Variants in AGAP1 observed in about 807,000 individuals in gnomAD.
AGAP1 encodes the protein arf-GAP with GTPase, ANK repeat and PH domain-containing protein 1.
A neutral mutation model predicts 105.3 loss-of-function variants in AGAP1; 29 were observed. The ratio of observed to expected loss-of-function variants is 0.28; its 90% confidence interval spans 0.21 to 0.38. The LOEUF (loss-of-function observed/expected upper bound fraction) is 0.38, where lower values mean the gene tolerates loss of function less well. Ranked by LOEUF, AGAP1 falls within the 10% of genes least tolerant of loss-of-function variation. AGAP1 has a pLI of 1.00. For missense variants in AGAP1, 998 were observed against 1,165.1 expected (o/e 0.86, Z 2.09); for synonymous variants, 509 against 485.9 (o/e 1.05, Z -0.63).
At chr2:235,778,766 G>A (rs1222291263) in intron 6 of AGAP1, among the ~76,000 whole-genome samples, 1 of 152,192 alleles carries the variant, frequency 6.6e-6, no homozygotes. Flanking sequence ...GCCTCTGATG[G>A]CTGTGTTCTT....
chr2:235,693,141 G>T (rs1179424819), intron 1 of AGAP1, among the ~76,000 whole-genome samples: 1 of 152,204 alleles, frequency 6.6e-6, no homozygotes, highest in Non-Finnish European at 1.5e-5. Context: ...AGCATGTGCA[G>T]AATGTTTCCT....
chr2:235,696,813 G>A (rs1025806943), intron 1 of AGAP1, among the ~76,000 whole-genome samples: 5 of 151,836 alleles, frequency 3.3e-5, no homozygotes, highest in African/African-American at 4.8e-5. Flanking sequence ...GTGAAACCCC[G>A]TCTCTACTAA....
intron 1 of AGAP1, among the ~76,000 whole-genome samples, chr2:235,638,461 C>G (rs1019561394): frequency 6.6e-6 from 1 of 152,126 alleles, no homozygotes; most frequent in African/African-American, 2.4e-5. Context: ...TGAATAGAGA[C>G]TAGTTAAAAT....
Position 235,970,472 on chromosome 2 carries a change from G to A in AGAP1, c.1645+1849G>A, listed in dbSNP as rs1575928143. Among the ~76,000 whole-genome samples the A allele has an allele frequency of 6.6e-6, 1 of 152,142 alleles. No homozygotes were observed. The highest frequency in any genetic ancestry group is 2.1e-4 in the South Asian group (1 of 4,828). Reference sequence around the variant, plus strand: ...AGAAGGTTAGCCTCCCCCAGGGTGGGCAGCCTGTACCCTCCACGCCCCTAA... The same window carrying A: ...AGAAGGTTAGCCTCCCCCAGGGTGGACAGCCTGTACCCTCCACGCCCCTAA... On this transcript the variant is annotated intron_variant, in intron 13 of 17. Transcript: ENST00000304032. This position sits in a 1 kb window ranked among gnomAD's most constrained non-coding sequence, Gnocchi z 5.4.
chr2:235,970,762 CA>C lies in AGAP1; in HGVS notation c.1645+2140del, dbSNP rs1284079056. Among the ~76,000 whole-genome samples, 1 of 152,186 alleles carries C rather than the reference CA, an allele frequency of 6.6e-6. No individual in the cohort carries two copies. Among genetic ancestry groups the C allele is most frequent in the African/African-American group, 2.4e-5 (1 of 41,448 alleles). On this transcript the variant is annotated intron_variant, in intron 13 of 17. Coordinates refer to ENST00000304032, the MANE Select transcript of AGAP1 (RefSeq NM_001037131.3). The surrounding 1 kb of genome is among the most constrained non-coding windows in gnomAD (Gnocchi z 5.4). The stretch of plus-strand genomic sequence containing the variant: ...GAGCAGCTGGCACCACCCAGTGTTC[CA>C]TTCAGCACCGGTGAGTTTGAAGGAA...
chr2:236,090,597 C>T lies in AGAP1; in HGVS notation c.2115-29595C>T, dbSNP rs986700446. ...CTCCTGCAGCGTGTTTCCAGTTGTTCGGATTTTTGTGTTATTTTCATCACT... is the reference window on the plus strand; with the variant it reads ...CTCCTGCAGCGTGTTTCCAGTTGTTTGGATTTTTGTGTTATTTTCATCACT... On this transcript the variant is annotated intron_variant, in intron 16 of 17. Transcript: ENST00000304032. This position sits in a 1 kb window ranked among gnomAD's most constrained non-coding sequence, Gnocchi z 4.3. 1.5e-4 allele frequency among the ~76,000 whole-genome samples: 23 copies of T among 152,156 alleles called. No homozygotes were observed. Among genetic ancestry groups the T allele is most frequent in the African/African-American group, 4.3e-4 (18 of 41,518 alleles).
intron 11 of AGAP1, among the ~76,000 whole-genome samples, chr2:235,922,103 G>A (rs547255357): frequency 1.4e-4 from 22 of 152,298 alleles, no homozygotes; most frequent in African/African-American, 4.8e-4. Context: ...TGCGCACAAC[G>A]GGCGTGGTGC....
intron 5 of AGAP1, among the ~76,000 whole-genome samples, 193 bp downstream of exon 5, chr2:235,745,032 A>G (rs995911162): frequency 1.3e-5 from 2 of 152,090 alleles, no homozygotes; most frequent in Non-Finnish European, 2.9e-5. Context: ...TCATTTAACA[A>G]CCTGAAAACA....
Position 235,655,318 on chromosome 2 carries a change from A to G in AGAP1, c.164-53861A>G, listed in dbSNP as rs1202349902. Among the ~76,000 whole-genome samples, 4 of 152,138 alleles carry G rather than the reference A, an allele frequency of 2.6e-5. No homozygotes were observed. The highest frequency in any genetic ancestry group is 2.0e-4 in the Admixed American group (3 of 15,266). On this transcript the variant is annotated intron_variant, in intron 1 of 17. Transcript: ENST00000304032. The surrounding 1 kb of genome is among the most constrained non-coding windows in gnomAD (Gnocchi z 4.3). ...GGTATATGCATTCCTTGTGGTGTGTATTAATAAATTGAGTAGGTGAAAAAG... is the reference window on the plus strand; with the variant it reads ...GGTATATGCATTCCTTGTGGTGTGTGTTAATAAATTGAGTAGGTGAAAAAG...
At position 236,120,145 on chromosome 2, in the gene AGAP1, G is replaced by T; in HGVS notation, c.2115-47G>T. ...CACTGGGCAGGGGCTGGCAGCCTGT[G>T]TTCTCGGGCCTGATCGTGACTGCAC... On this transcript the variant is annotated intron_variant, in intron 16 of 17. Transcript: ENST00000304032. The surrounding 1 kb of genome is among the most constrained non-coding windows in gnomAD (Gnocchi z 6.0). 1 of 1,569,712 alleles carries T rather than the reference G, an allele frequency of 6.4e-7. No homozygotes were observed. Among genetic ancestry groups the T allele is most frequent in the Non-Finnish European group, 8.7e-7 (1 of 1,155,804 alleles).
intron 4 of AGAP1, among the ~76,000 whole-genome samples, chr2:235,743,970 T>C (rs1390290508): frequency 6.6e-6 from 1 of 152,220 alleles, no homozygotes. Flanking sequence ...AGTATATGCC[T>C]GACAGTGTGG....
chr2:235,498,260 A>T (rs373534658), intron 1 of AGAP1, among the ~76,000 whole-genome samples: 8 of 152,230 alleles, frequency 5.3e-5, no homozygotes, highest in African/African-American at 1.9e-4. Flanking sequence ...AGAAGAGAAC[A>T]GTTTTTTTCC....
chr2:235,594,300 T>TC (rs1438203446), intron 1 of AGAP1, among the ~76,000 whole-genome samples: 2 of 151,940 alleles, frequency 1.3e-5, no homozygotes, highest in African/African-American at 4.8e-5. Context: ...TTTTTTTTTT[T>TC]TCATATTTAA....
chr2:235,590,224 G>A (rs555148882), intron 1 of AGAP1, among the ~76,000 whole-genome samples: 2 of 152,188 alleles, frequency 1.3e-5, no homozygotes, highest in East Asian at 1.9e-4. Flanking sequence ...GTTTTTACTC[G>A]GTGTTAACGT....
rs551046943 is a variant in AGAP1 at position 235,657,370 on chromosome 2, A to ATGT, written c.164-51795_164-51793dup. Among the ~76,000 whole-genome samples, 6 of 152,062 alleles carry ATGT rather than the reference A, an allele frequency of 3.9e-5. No individual in the cohort carries two copies. In the East Asian group the frequency reaches 5.8e-4, roughly 15 times the overall value. On this transcript the variant is annotated intron_variant, in intron 1 of 17. Transcript: ENST00000304032. ...CTTCCCATTACTTTAAGAATAAGTG[A>ATGT]TGTTGTTGTTGTTGTTATTATTATT...
chr2:235,996,034 C>T (rs1202723210), intron 13 of AGAP1, among the ~76,000 whole-genome samples: 3 of 152,162 alleles, frequency 2.0e-5, no homozygotes, highest in Admixed American at 6.5e-5. Context: ...CAAGCCGCCA[C>T]GTGGGCTCGG....
chr2:235,774,855 C>T (rs1196477722), intron 6 of AGAP1, among the ~76,000 whole-genome samples: 4 of 152,114 alleles, frequency 2.6e-5, no homozygotes, highest in South Asian at 2.1e-4. Context: ...GAGTGATTGG[C>T]GCCTGCATTC....
At position 236,092,419 on chromosome 2, in the gene AGAP1, GTCT is replaced by G. The variant is rs1409139590; in HGVS notation, c.2115-27772_2115-27770del. Among the ~76,000 whole-genome samples, 1 of 152,086 alleles carries G rather than the reference GTCT, an allele frequency of 6.6e-6. No homozygotes were observed. The highest frequency in any genetic ancestry group is 2.4e-5 in the African/African-American group (1 of 41,400). On this transcript the variant is annotated intron_variant, in intron 16 of 17. Transcript: ENST00000304032. The surrounding 1 kb of genome is among the most constrained non-coding windows in gnomAD (Gnocchi z 4.7). Reference sequence around the variant, plus strand: ...TTTGTTTTGTTTTGTTTGTGACAGAGTCTCGCTCTGTCACCCAGGCTGGAGTGT... The same window carrying G: ...TTTGTTTTGTTTTGTTTGTGACAGAGCGCTCTGTCACCCAGGCTGGAGTGT...
chr2:236,122,812 C>G (rs777310955), intron 17 of AGAP1, among the ~76,000 whole-genome samples: 2 of 151,018 alleles, frequency 1.3e-5, no homozygotes, highest in Non-Finnish European at 2.9e-5. Context: ...CCTCCTGACA[C>G]TAGCTGGGAT....
Sources: gnomAD v4.1 joint callset for allele counts (sites outside exome capture counted in the v4.1 genomes callset) on GRCh38, gnomAD v4.1.1 for gene constraint, Gnocchi (gnomAD v3.1) non-coding constraint, MANE v1.5 for transcripts, NCBI Gene and HGNC (gene_info 2026-07-23, HGNC 2026-07-21) for gene names.